The following UBTD1 variants were observed in gnomAD, a reference collection of about 807,000 sequenced individuals.
The protein encoded by UBTD1 is ubiquitin domain-containing protein 1.
A neutral mutation model predicts 21.7 loss-of-function variants in UBTD1; 19 were observed. The observed-to-expected ratio is 0.87, with a 90% CI of 0.61 to 1.28. The LOEUF is 1.28. Ranked by LOEUF, UBTD1 falls within the 50% of genes most tolerant of loss-of-function variation. The probability of loss-of-function intolerance (pLI) is 0.00; values close to 1 mark genes in which losing one functional copy is unlikely to be tolerated. For missense variants in UBTD1, 282 were observed against 315.1 expected (o/e 0.89, Z 0.80); for synonymous variants, 116 against 135.1 (o/e 0.86, Z 0.98).
intron 1 of UBTD1, among the ~76,000 whole-genome samples, chr10:97,562,687 TA>T (rs1422909722): frequency 1.3e-5 from 2 of 152,122 alleles, no homozygotes; most frequent in East Asian, 1.9e-4. Context: ...ATTGATCAGT[TA>T]GGGGCAGGAA....
chr10:97,498,989 A>T lies in UBTD1; in HGVS notation c.-215A>T, dbSNP rs2040283166. ...CGTCGCGGGCCCCCCTGGCCCGGCCACCTGGGACCGTGCTGGGGAGTCTGC... is the reference window on the plus strand; with the variant it reads ...CGTCGCGGGCCCCCCTGGCCCGGCCTCCTGGGACCGTGCTGGGGAGTCTGC... On this transcript the variant is annotated 5_prime_UTR_variant, in exon 1 of 3. Coordinates refer to ENST00000370664, the MANE Select transcript of UBTD1 (RefSeq NM_024954.5). 7.8e-6 allele frequency: 4 copies of T among 514,436 alleles called. No individual in the cohort carries two copies. Among genetic ancestry groups the T allele is most frequent in the African/African-American group, 2.0e-5 (1 of 49,126 alleles). 31.9% of individuals were successfully genotyped at this position (514,436 alleles called of 1,614,324 possible).
chr10:97,562,856 C>T (rs551153006), intron 1 of UBTD1, among the ~76,000 whole-genome samples: 6 of 152,190 alleles, frequency 3.9e-5, no homozygotes, highest in African/African-American at 1.4e-4. Flanking sequence ...ACATTCCTGT[C>T]TTCTTATATT....
intron 1 of UBTD1, among the ~76,000 whole-genome samples, chr10:97,545,149 G>T (rs914229245): frequency 6.6e-6 from 1 of 150,924 alleles, no homozygotes; most frequent in Non-Finnish European, 1.5e-5. Flanking sequence ...CCTGGCTAAC[G>T]TGGTGAAACC....
At chr10:97,529,186 C>T (rs1483014272) in intron 1 of UBTD1, among the ~76,000 whole-genome samples, 2 of 151,682 alleles carry the variant, frequency 1.3e-5, no homozygotes, top group Non-Finnish European at 2.9e-5. Context: ...CAGAGACGCT[C>T]CTCACTTCCT....
chr10:97,512,451 C>T (rs566669356), intron 1 of UBTD1, among the ~76,000 whole-genome samples: 15 of 152,222 alleles, frequency 9.9e-5, no homozygotes, highest in Admixed American at 7.2e-4. Context: ...TGTCTGGCTA[C>T]TGAGGAGACA....
chr10:97,532,766 G>A (rs993481980), intron 1 of UBTD1, among the ~76,000 whole-genome samples: 1 of 151,180 alleles, frequency 6.6e-6, no homozygotes, highest in African/African-American at 2.4e-5. Context: ...CTCCAGCCTG[G>A]GCAACAAGAG....
chr10:97,502,332 A>G (rs138327407), intron 1 of UBTD1, among the ~76,000 whole-genome samples: 1,724 of 152,324 alleles, frequency 0.011, 11 homozygotes, highest in Non-Finnish European at 0.015. Flanking sequence ...TTAACTCCAC[A>G]GTGCACCTGG....
chr10:97,554,319 C>G (rs2040654068), intron 1 of UBTD1, among the ~76,000 whole-genome samples: 1 of 146,254 alleles, frequency 6.8e-6, no homozygotes, highest in African/African-American at 2.5e-5. Context: ...ATGATCTCAG[C>G]TCACTGCTAC....
intron 1 of UBTD1, among the ~76,000 whole-genome samples, chr10:97,518,577 A>G (rs1367577427): frequency 6.6e-6 from 1 of 152,056 alleles, no homozygotes; most frequent in Non-Finnish European, 1.5e-5. Flanking sequence ...CTCCCACCCC[A>G]AGCCAGATTT....
chr10:97,570,538 C>G lies in UBTD1; in HGVS notation c.*15C>G, dbSNP rs1368318438. 1.9e-6 allele frequency: 3 copies of G among 1,577,676 alleles called. No individual in the cohort carries two copies. The East Asian group carries it at 6.8e-5, about 36-fold the overall frequency. On this transcript the variant is annotated 3_prime_UTR_variant, in exon 3 of 3. Coordinates refer to ENST00000370664, the MANE Select transcript of UBTD1 (RefSeq NM_024954.5). The surrounding 1 kb of genome is among the most constrained non-coding windows in gnomAD (Gnocchi z 6.6). ...CCCAGGACTGATGGGCCCACGGACC[C>G]CTGGGAAGAGGCCCCGCCTGGAGCA...
intron 1 of UBTD1, among the ~76,000 whole-genome samples, chr10:97,538,719 T>C (rs1417408): frequency 0.62 from 94,535 of 152,128 alleles, 30,429 homozygotes; most frequent in Non-Finnish European, 0.73. Flanking sequence ...CTCTTCCTTC[T>C]GGATCTCAAA....
rs2040595437 is a variant in UBTD1 at position 97,543,473 on chromosome 10, G to GA, written c.71-24440dup. The stretch of plus-strand genomic sequence containing the variant: ...AGCCTTGAAAAGATGGGGTTCCCAG[G>GA]ACTCGGCATGTTAGGCATTTGTGTG... On this transcript the variant is annotated intron_variant, in intron 1 of 2. Transcript: ENST00000370664. Among the ~76,000 whole-genome samples, 9 of 152,346 alleles carry GA rather than the reference G, an allele frequency of 5.9e-5. No individual in the cohort carries two copies. The South Asian group carries it at 1.9e-3, about 32-fold the overall frequency.
At chr10:97,518,584 AT>A (rs2040454353) in intron 1 of UBTD1, among the ~76,000 whole-genome samples, 1 of 152,060 alleles carries the variant, frequency 6.6e-6, no homozygotes, top group Non-Finnish European at 1.5e-5. Context: ...CCCAAGCCAG[AT>A]TTTGTCTTCT....
rs1258086192 is a variant in UBTD1 at position 97,570,165 on chromosome 10, T to C, written c.326T>C (p.Leu109Pro). 2 of 1,611,422 alleles carry C rather than the reference T, an allele frequency of 1.2e-6. No individual in the cohort carries two copies. Among genetic ancestry groups the C allele is most frequent in the Non-Finnish European group, 1.7e-6 (2 of 1,178,634 alleles). The change falls in exon 3 of 3, where the codon CTG (leucine) becomes CCG (proline). Residue 109 changes from leucine (L) to proline (P), a missense_variant. Coordinates refer to ENST00000370664, the MANE Select transcript of UBTD1 (RefSeq NM_024954.5). The surrounding 1 kb of genome is among the most constrained non-coding windows in gnomAD (Gnocchi z 6.6). ...ACCCTCTGTGAATGCTACGATGAGC[T>C]GGGCAATCGCTACCAGCTGCCCATC... The part of the protein sequence containing the change: ...HGTLCECYDE[L>P]GNRYQLPIYC...
At chr10:97,534,609 A>ACACC (rs1241529079) in intron 1 of UBTD1, among the ~76,000 whole-genome samples, 3 of 129,268 alleles carry the variant, frequency 2.3e-5, no homozygotes, top group African/African-American at 7.9e-5. Context: ...ACACACACAC[A>ACACC]CACCACCCTT....
At chr10:97,535,778 T>G (rs1020255400) in intron 1 of UBTD1, among the ~76,000 whole-genome samples, 1 of 151,382 alleles carries the variant, frequency 6.6e-6, no homozygotes, top group African/African-American at 2.4e-5. Context: ...ATTAGCTAGG[T>G]GCAGTGGTGC....
intron 1 of UBTD1, among the ~76,000 whole-genome samples, chr10:97,502,785 CCT>C (rs1289399876): frequency 1.3e-5 from 2 of 151,124 alleles, no homozygotes; most frequent in African/African-American, 2.4e-5. Flanking sequence ...AGGGAGAGGT[CCT>C]CTCGTCTCAT....
chr10:97,552,804 C>T (rs2040646560), intron 1 of UBTD1, among the ~76,000 whole-genome samples: 1 of 152,212 alleles, frequency 6.6e-6, no homozygotes, highest in Admixed American at 6.5e-5. Flanking sequence ...AGCATCCTAC[C>T]TCACCATCAC....
At chr10:97,521,519 C>G (rs1047187622) in intron 1 of UBTD1, among the ~76,000 whole-genome samples, 5 of 152,228 alleles carry the variant, frequency 3.3e-5, no homozygotes, top group Non-Finnish European at 7.3e-5. Flanking sequence ...GCAGAGCCTT[C>G]CACGACCTCT....
Sources: allele counts gnomAD v4.1 joint callset (sites outside exome capture counted in the v4.1 genomes callset), GRCh38; gene constraint gnomAD v4.1.1; non-coding constraint Gnocchi (gnomAD v3.1); transcripts MANE v1.5; gene names NCBI Gene and HGNC (gene_info 2026-07-23, HGNC 2026-07-21).